The following GNA12 variants were observed in gnomAD, a reference collection of about 807,000 sequenced individuals.
GNA12 encodes G protein subunit alpha 12.
In GNA12, 9 loss-of-function variants were observed where a neutral mutation model predicts 26.0. The observed-to-expected ratio is 0.35, with a 90% CI of 0.21 to 0.60. GNA12 has a LOEUF of 0.60. Among genes scored for constraint, GNA12 ranks in the 20% least tolerant of loss-of-function variants. The probability of loss-of-function intolerance (pLI) is 0.78; values close to 1 mark genes in which losing one functional copy is unlikely to be tolerated. For missense variants in GNA12, 405 were observed against 525.8 expected, an observed-to-expected ratio of 0.77 and a Z score of 2.25; for synonymous variants, 264 against 219.6, an observed-to-expected ratio of 1.20 and a Z score of -1.79.
At chr7:2,835,830 A>T in intron 1 of GNA12, 1 of 642,964 alleles carries the variant, frequency 1.6e-6, no homozygotes, top group Non-Finnish European at 3.0e-6. Flanking sequence ...TGCCTTATCA[A>T]ATCGGTGATG....
chr7:2,804,658 T>A (rs138458862), intron 1 of GNA12, among the ~76,000 whole-genome samples: 4 of 152,322 alleles, frequency 2.6e-5, no homozygotes, highest in Admixed American at 2.6e-4. Context: ...TGTCACTAGG[T>A]TGGTTTTCAT....
In GNA12 at chr7:2,811,560, A is replaced by G. The variant is rs191921108; in HGVS notation, c.310-16417T>C. 4.8e-4 allele frequency among the ~76,000 whole-genome samples: 73 copies of G among 152,364 alleles called. 1 individual carries two copies. In the East Asian group the frequency reaches 0.014, roughly 29 times the overall value. ...GCCAACTATATAGACTTCTTAAAAA[A>G]TCATTTGAGAAGGGACCTCAAAGTG... On this transcript the variant is annotated intron_variant, in intron 1 of 3. Transcript: ENST00000275364.
intron 2 of GNA12, among the ~76,000 whole-genome samples, chr7:2,743,960 C>T (rs1040697639): frequency 3.9e-5 from 6 of 152,096 alleles, no homozygotes; most frequent in Non-Finnish European, 2.9e-5. Context: ...AAGGCAGCAG[C>T]GAGGCTGGGG....
intron 1 of GNA12, among the ~76,000 whole-genome samples, chr7:2,810,458 A>C (rs774422156): frequency 6.6e-6 from 1 of 152,238 alleles, no homozygotes; most frequent in Non-Finnish European, 1.5e-5. Context: ...TAGCACTGCA[A>C]ATGAGTAAAA....
chr7:2,831,325 A>ATC (rs1793601301), intron 1 of GNA12, among the ~76,000 whole-genome samples: 1 of 152,034 alleles, frequency 6.6e-6, no homozygotes, highest in South Asian at 2.1e-4. Flanking sequence ...ATCCATATCT[A>ATC]TCTAATCAAG....
Position 2,781,412 on chromosome 7 carries a change from C to CTGTGTGTGTGTGTGTGTGTG in GNA12, c.525+13496_525+13515dup, listed in dbSNP as rs58348546. On this transcript the variant is annotated intron_variant, in intron 2 of 3. Coordinates refer to ENST00000275364, the MANE Select transcript of GNA12 (RefSeq NM_007353.3). ...CTCTAATCCATTTCAAAGTAAGTGT[C>CTGTGTGTGTGTGTGTGTGTG]TGTGTGTGTGTGTGTGTGTGTGTGT... is the stretch of plus-strand genomic sequence containing the variant. Among the ~76,000 whole-genome samples the CTGTGTGTGTGTGTGTGTGTG allele has an allele frequency of 2.1e-3, 296 of 143,716 alleles. 4 individuals carry two copies. The highest frequency in any genetic ancestry group is 3.3e-3 in the Non-Finnish European group (217 of 65,722). The allele number at this position is 143,716 out of a possible 152,430, so 94.3% of individuals were successfully genotyped here. A position where few individuals can be genotyped will look rare whatever the true frequency, so the allele number is the denominator to read the frequency against.
At chr7:2,819,058 T>C (rs1240423690) in intron 1 of GNA12, among the ~76,000 whole-genome samples, 1 of 152,174 alleles carries the variant, frequency 6.6e-6, no homozygotes, top group Non-Finnish European at 1.5e-5. Context: ...TGGATTACCC[T>C]GCGAGCCTGA....
At position 2,843,972 on chromosome 7, in the gene GNA12, C is replaced by G. The variant is rs1779090205; in HGVS notation, c.190G>C (p.Gly64Arg). 1 of 1,588,266 alleles carries G rather than the reference C, an allele frequency of 6.3e-7. No homozygotes were observed. The highest frequency in any genetic ancestry group is 1.7e-5 in the Admixed American group (1 of 57,862). The change falls in exon 1 of 4, where the codon GGC (glycine) becomes CGC (arginine). Residue 64 changes from glycine (G) to arginine (R), a missense_variant. Gly to Arg is a moderately radical substitution (Grantham distance 125, BLOSUM62 -2). Coordinates refer to ENST00000275364, the MANE Select transcript of GNA12 (RefSeq NM_007353.3). ...VRRLVKILLL[G>R]AGESGKSTFL... ...GTGGACTTGCCGCTCTCGCCCGCGC[C>G]CAGCAGCAGGATCTTCACCAGGCGC...
At chr7:2,769,278 G>C (rs1280242160) in intron 2 of GNA12, among the ~76,000 whole-genome samples, 2 of 152,116 alleles carry the variant, frequency 1.3e-5, no homozygotes, top group Admixed American at 1.3e-4. Flanking sequence ...CAGCATCACT[G>C]GCAGGTATTT....
At position 2,730,869 on chromosome 7, in the gene GNA12, C is replaced by T. The variant is rs932817905; in HGVS notation, c.*312G>A. On this transcript the variant is annotated 3_prime_UTR_variant, in exon 4 of 4. Transcript: ENST00000275364. ...CACAACACGGTCCTCAATTAAACTG[C>T]GTCAGAAAAAGAGGAACGTTTCTGT... is the stretch of plus-strand genomic sequence containing the variant. 4.6e-5 allele frequency: 15 copies of T among 327,040 alleles called. No individual in the cohort carries two copies. The highest frequency in any genetic ancestry group is 8.2e-5 in the Admixed American group (2 of 24,282). 20.3% of individuals were successfully genotyped at this position (327,040 alleles called of 1,614,324 possible). A position where few individuals can be genotyped will look rare whatever the true frequency, so the allele number is the denominator to read the frequency against.
At chr7:2,756,114 G>A (rs1262428284) in intron 2 of GNA12, among the ~76,000 whole-genome samples, 2 of 152,122 alleles carry the variant, frequency 1.3e-5, no homozygotes, top group Admixed American at 6.5e-5. Flanking sequence ...TGGATCAACC[G>A]AATAGAAATG....
intron 1 of GNA12, among the ~76,000 whole-genome samples, chr7:2,799,596 T>C (rs1792759731): frequency 6.6e-6 from 1 of 151,356 alleles, no homozygotes; most frequent in Non-Finnish European, 1.5e-5. Flanking sequence ...ACATACATAC[T>C]CAACAGTTTA....
At chr7:2,824,042 C>T (rs1475365910) in intron 1 of GNA12, among the ~76,000 whole-genome samples, 1 of 152,192 alleles carries the variant, frequency 6.6e-6, no homozygotes, top group African/African-American at 2.4e-5. Context: ...TCCAGTTGAA[C>T]AGATCACACC....
In GNA12 at chr7:2,789,132, C is replaced by CTTTTTTTTTTTT. The variant is rs71026556; in HGVS notation, c.525+5784_525+5795dup. Among the ~76,000 whole-genome samples the CTTTTTTTTTTTT allele has an allele frequency of 1.6e-3, 117 of 72,826 alleles. 13 individuals are homozygous for CTTTTTTTTTTTT. The highest frequency in any genetic ancestry group is 0.012 in the Middle Eastern group (1 of 86). 47.8% of individuals were successfully genotyped at this position (72,826 alleles called of 152,430 possible). On this transcript the variant is annotated intron_variant, in intron 2 of 3. Transcript: ENST00000275364. ...ACCGTGCCCGGACCCCTTCAGGCATCTTTTTTTTTTTTTTTTTTTTTGAGA... is the reference window on the plus strand; with the variant it reads ...ACCGTGCCCGGACCCCTTCAGGCATCTTTTTTTTTTTTTTTTTTTTTTTTTTTTTTTTTGAGA...
chr7:2,815,812 T>G (rs1325011267), intron 1 of GNA12, among the ~76,000 whole-genome samples: 1 of 152,216 alleles, frequency 6.6e-6, no homozygotes, highest in African/African-American at 2.4e-5. Flanking sequence ...TTAGCACACC[T>G]GATGACGTCC....
At chr7:2,838,083 C>T (rs1481765505) in intron 1 of GNA12, among the ~76,000 whole-genome samples, 1 of 151,880 alleles carries the variant, frequency 6.6e-6, no homozygotes, top group Non-Finnish European at 1.5e-5. Context: ...GGATCAGTTA[C>T]ACATGTATAC....
At chr7:2,770,431 C>A (rs951879558) in intron 2 of GNA12, among the ~76,000 whole-genome samples, 1 of 152,172 alleles carries the variant, frequency 6.6e-6, no homozygotes, top group Non-Finnish European at 1.5e-5. Context: ...TGTGACAGGG[C>A]AATGCTTGTC....
intron 2 of GNA12, among the ~76,000 whole-genome samples, chr7:2,768,668 AAAAAAAAACAAAACAAAAC>A (rs1241860931): frequency 8.2e-6 from 1 of 122,408 alleles, no homozygotes; most frequent in African/African-American, 2.6e-5. Context: ...TCTCAAGGTA[AAAAAAAAACAAAACAAAAC>A]AAAAAAAAAA....
At chr7:2,769,836 C>A (rs191393556) in intron 2 of GNA12, among the ~76,000 whole-genome samples, 2 of 152,124 alleles carry the variant, frequency 1.3e-5, no homozygotes, top group Non-Finnish European at 2.9e-5. Flanking sequence ...GTTTAAGATA[C>A]CCACTTCTTT....
Sources: allele counts gnomAD v4.1 joint callset (sites outside exome capture counted in the v4.1 genomes callset), GRCh38; gene constraint gnomAD v4.1.1; transcripts MANE v1.5; gene names NCBI Gene and HGNC (gene_info 2026-07-23, HGNC 2026-07-21).